The following PRRC2B variants were observed in gnomAD, a reference collection of about 807,000 sequenced individuals.
PRRC2B encodes the protein proline rich coiled-coil 2B, also known as protein PRRC2B.
In PRRC2B, 68 loss-of-function variants were observed where a neutral mutation model predicts 242.3. That is an observed-to-expected ratio of 0.28 (90% CI 0.23 to 0.34). The LOEUF (loss-of-function observed/expected upper bound fraction) is 0.34. Among genes scored for constraint, PRRC2B ranks in the 10% least tolerant of loss-of-function variants. The probability of loss-of-function intolerance (pLI) is 1.00; values close to 1 mark genes in which losing one functional copy is unlikely to be tolerated. For synonymous variants in PRRC2B, 1,228 were observed against 1,173.6 expected, an observed-to-expected ratio of 1.05 and a Z score of -0.95; for missense variants, 2,835 against 2,954.8, an observed-to-expected ratio of 0.96 and a Z score of 0.94.
At position 131,477,963 on chromosome 9, in the gene PRRC2B, A is replaced by G. The variant is rs372521029; in HGVS notation, c.4612+14A>G. The G allele has an allele frequency of 7.5e-5, 120 of 1,610,466 alleles. 1 individual carries two copies. In the African/African-American group the frequency reaches 1.3e-3, roughly 18 times the overall value. ...TGAACTATGGAAGTAAGTCATCCTC[A>G]TATCTTCAGGGGAAAGAACTCAGGC... On this transcript the variant is annotated intron_variant, in intron 17 of 31. Transcript: ENST00000683519.
intron 31 of PRRC2B, 39 bp from the exon 32 acceptor site, chr9:131,495,701 G>A (rs546127852): frequency 7.6e-5 from 121 of 1,587,330 alleles, no homozygotes; most frequent in Admixed American, 1.3e-4. Context: ...ACGTTTCAGC[G>A]TCAGGGTCAC....
upstream of PRRC2B, chr9:131,394,002 G>GGGC (rs1052928331): frequency 1.3e-5 from 2 of 151,040 alleles, no homozygotes; most frequent in Admixed American, 1.3e-4. Context: ...CCCAGGTTGC[G>GGGC]GGCGGCGGCG....
At chr9:131,395,420 G>A (rs1346780770) in intron 1 of PRRC2B, among the ~76,000 whole-genome samples, 1 of 152,144 alleles carries the variant, frequency 6.6e-6, no homozygotes, top group Admixed American at 6.6e-5. Flanking sequence ...CAGCGCTGTG[G>A]TGTAAGGTGG....
chr9:131,470,319 G>A (rs1413338881), intron 13 of PRRC2B, among the ~76,000 whole-genome samples: 8 of 152,186 alleles, frequency 5.3e-5, no homozygotes, highest in South Asian at 2.1e-4. Context: ...CATATTGGGC[G>A]TGGGGTGTCT....
intron 1 of PRRC2B, among the ~76,000 whole-genome samples, chr9:131,383,697 C>A (rs1470159100): frequency 6.9e-6 from 1 of 145,780 alleles, no homozygotes; most frequent in African/African-American, 2.5e-5. Context: ...TCTCGGCTTA[C>A]TGCAACCTCC....
intron 1 of PRRC2B, among the ~76,000 whole-genome samples, chr9:131,416,203 G>C (rs1837645859): frequency 6.6e-6 from 1 of 151,936 alleles, no homozygotes; most frequent in Non-Finnish European, 1.5e-5. Flanking sequence ...CTGCCTCCCA[G>C]GTTCAAGTGA....
chr9:131,492,885 A>G (rs1226959555), intron 30 of PRRC2B, among the ~76,000 whole-genome samples: 1 of 152,194 alleles, frequency 6.6e-6, no homozygotes, highest in East Asian at 1.9e-4. Context: ...TGAAGGCAGC[A>G]CGCTCTGGCC....
intron 10 of PRRC2B, among the ~76,000 whole-genome samples, chr9:131,458,088 C>T (rs1489530596): frequency 6.6e-6 from 1 of 152,126 alleles, no homozygotes; most frequent in Non-Finnish European, 1.5e-5. Context: ...TGTCCAGCCA[C>T]CCCTGCAGCT....
intron 1 of PRRC2B, among the ~76,000 whole-genome samples, chr9:131,408,115 G>T (rs1000448452): frequency 1.3e-5 from 2 of 152,210 alleles, no homozygotes; most frequent in African/African-American, 4.8e-5. Flanking sequence ...GAAGAGGATG[G>T]GGTTGTTGTA....
At chr9:131,450,794 G>C (rs1483710395) in intron 9 of PRRC2B, among the ~76,000 whole-genome samples, 1 of 151,878 alleles carries the variant, frequency 6.6e-6, no homozygotes, top group Non-Finnish European at 1.5e-5. Flanking sequence ...CACCATGTTG[G>C]CCAGGCTGAT....
At chr9:131,404,428 G>T (rs1318554207) in intron 1 of PRRC2B, among the ~76,000 whole-genome samples, 2 of 151,840 alleles carry the variant, frequency 1.3e-5, no homozygotes, top group African/African-American at 4.8e-5. Flanking sequence ...CACTATGTTG[G>T]CCAGGCTGGT....
intron 1 of PRRC2B, among the ~76,000 whole-genome samples, chr9:131,415,983 C>T (rs1304428803): frequency 6.6e-6 from 1 of 151,880 alleles, no homozygotes; most frequent in Non-Finnish European, 1.5e-5. Flanking sequence ...TTCTGGAACT[C>T]CTAGTTAAAT....
At position 131,487,725 on chromosome 9, in the gene PRRC2B, C is replaced by CT. The variant is rs1329613474; in HGVS notation, c.5985-130dup. 2 of 1,255,330 alleles carry CT rather than the reference C, an allele frequency of 1.6e-6. No individual in the cohort carries two copies. Among genetic ancestry groups the CT allele is most frequent in the African/African-American group, 1.5e-5 (1 of 66,594 alleles). 77.8% of individuals were successfully genotyped at this position (1,255,330 alleles called of 1,614,324 possible). On this transcript the variant is annotated intron_variant, in intron 27 of 31. Coordinates refer to ENST00000683519, the MANE Select transcript of PRRC2B (RefSeq NM_013318.4). The surrounding 1 kb of genome is among the most constrained non-coding windows in gnomAD (Gnocchi z 5.3). Reference sequence around the variant, plus strand: ...GTTCTCAGGCCCCATCCTGGACCCTCTGAGTCGCGCTCTGGGGGTGGGGCC... The same window carrying CT: ...GTTCTCAGGCCCCATCCTGGACCCTCTTGAGTCGCGCTCTGGGGGTGGGGCC...
At position 131,446,994 on chromosome 9, in the gene PRRC2B, T is replaced by C. The variant is rs1434795549; in HGVS notation, c.856-91T>C. ...ATGACTTTCCTGTTTCTTTTTCCCA[T>C]TTTCCACTTTATAAAACACATTCTG... On this transcript the variant is annotated intron_variant, in intron 7 of 31. Coordinates refer to ENST00000683519, the MANE Select transcript of PRRC2B (RefSeq NM_013318.4). The surrounding 1 kb of genome is among the most constrained non-coding windows in gnomAD (Gnocchi z 4.1). 6.6e-7 allele frequency: 1 copy of C among 1,524,814 alleles called. No individual in the cohort carries two copies. Among genetic ancestry groups the C allele is most frequent in the African/African-American group, 1.4e-5 (1 of 72,750 alleles). 94.5% of individuals were successfully genotyped at this position (1,524,814 alleles called of 1,614,324 possible). A position where few individuals can be genotyped will look rare whatever the true frequency, so the allele number is the denominator to read the frequency against.
In PRRC2B at chr9:131,470,887, G is replaced by A. The variant is rs1291649329; in HGVS notation, c.2011G>A (p.Asp671Asn). Residue 671 changes from aspartate to asparagine, a missense_variant, in exon 14 of 32, where the codon GAT becomes AAT. Transcript: ENST00000683519. ...ACACCACCCCCAGATGTTGGGCTTCGATCCCAGGTGGATGATGATGCCTTC... is the reference window on the plus strand; with the variant it reads ...ACACCACCCCCAGATGTTGGGCTTCAATCCCAGGTGGATGATGATGCCTTC... ...YPHHPQMLGF[D>N]PRWMMMPSYM... 1.4e-5 allele frequency: 23 copies of A among 1,608,900 alleles called. No homozygotes were observed. The highest frequency in any genetic ancestry group is 1.6e-5 in the Non-Finnish European group (19 of 1,177,456).
At chr9:131,442,478 C>A (rs1838627714) in intron 5 of PRRC2B, among the ~76,000 whole-genome samples, 1 of 149,422 alleles carries the variant, frequency 6.7e-6, no homozygotes, top group South Asian at 2.1e-4. Context: ...TAGAGTCCAT[C>A]TCTGGCTGGT....
In PRRC2B at chr9:131,482,842, G is replaced by C. The variant is rs759492413; in HGVS notation, c.5308G>C (p.Gly1770Arg). ...AGGGGCTGTCGTCCCGCCTGTTAACGGGGTGGAGATTCACGTGGACTCCGT... is the reference window on the plus strand; with the variant it reads ...AGGGGCTGTCGTCCCGCCTGTTAACCGGGTGGAGATTCACGTGGACTCCGT... ...LQGAVVPPVNGVEIHVDSVLP... is the reference protein window; with the variant it reads ...LQGAVVPPVNRVEIHVDSVLP... The change falls in exon 22 of 32, where the codon GGG becomes CGG. Residue 1770 changes from glycine (G) to arginine (R), a missense_variant. Transcript: ENST00000683519. The surrounding 1 kb of genome is among the most constrained non-coding windows in gnomAD (Gnocchi z 5.2). 6.2e-6 allele frequency: 10 copies of C among 1,608,648 alleles called. 1 individual carries two copies. In the South Asian group the frequency reaches 1.0e-4, roughly 16 times the overall value.
At chr9:131,393,932 C>T (rs1269506733), upstream of PRRC2B, among the ~76,000 whole-genome samples, 1 of 151,064 alleles carries the variant, frequency 6.6e-6, no homozygotes, top group African/African-American at 2.4e-5. Context: ...CCTCGCCCGG[C>T]CCCCGGGCCG....
At chr9:131,423,564 G>A (rs1047712523) in intron 1 of PRRC2B, among the ~76,000 whole-genome samples, 2 of 152,204 alleles carry the variant, frequency 1.3e-5, no homozygotes, top group African/African-American at 2.4e-5. Flanking sequence ...GAGGAAATCC[G>A]AATGATTCTG....
Sources: gnomAD v4.1 joint callset for allele counts (sites outside exome capture counted in the v4.1 genomes callset) on GRCh38, gnomAD v4.1.1 for gene constraint, Gnocchi (gnomAD v3.1) non-coding constraint, MANE v1.5 for transcripts, NCBI Gene and HGNC (gene_info 2026-07-23, HGNC 2026-07-21) for gene names.